Variants in CFAP100 observed in about 807,000 individuals in gnomAD.
CFAP100 encodes cilia- and flagella-associated protein 100.
Under a neutral mutation model 81.5 loss-of-function variants are expected in CFAP100, and 70 were observed. That is an observed-to-expected ratio of 0.86 (90% CI 0.71 to 1.05). The LOEUF is 1.05. Among genes scored for constraint, CFAP100 ranks in the 50% least tolerant of loss-of-function variants. The pLI, the probability that CFAP100 is intolerant of heterozygous loss-of-function variation, is 0.00. For missense variants in CFAP100, 811 were observed against 776.5 expected, an observed-to-expected ratio of 1.04 and a Z score of -0.53; for synonymous variants, 341 against 314.8, an observed-to-expected ratio of 1.08 and a Z score of -0.88.
intron 8 of CFAP100, among the ~76,000 whole-genome samples, 157 bp downstream of exon 8, chr3:126,419,313 G>A (rs2083292628): frequency 6.6e-6 from 1 of 152,182 alleles, no homozygotes; most frequent in African/African-American, 2.4e-5. Context: ...TAGACGAGGG[G>A]AGTGAGACCA....
At chr3:126,400,761 A>AC (rs2082965203) in intron 2 of CFAP100, among the ~76,000 whole-genome samples, 1 of 152,122 alleles carries the variant, frequency 6.6e-6, no homozygotes, top group Non-Finnish European at 1.5e-5. Context: ...CAAAAAAAAA[A>AC]GAAAAGAAAA....
At chr3:126,412,462 A>G (rs1322698388) in intron 3 of CFAP100, among the ~76,000 whole-genome samples, 5 of 152,232 alleles carry the variant, frequency 3.3e-5, no homozygotes, top group Non-Finnish European at 7.3e-5. Context: ...AATACCCTTT[A>G]TCAGATTGGG....
chr3:126,404,022 G>C (rs189204175), intron 2 of CFAP100, among the ~76,000 whole-genome samples: 48 of 152,328 alleles, frequency 3.2e-4, no homozygotes, highest in African/African-American at 1.1e-3. Flanking sequence ...CAATATAATA[G>C]ATGAAGGTTC....
rs568433618 is a variant in CFAP100, at chr3:126,411,401, C to T, written c.131-2684C>T. Among the ~76,000 whole-genome samples the T allele has an allele frequency of 3.2e-4, 24 of 74,326 alleles. No homozygotes were observed. The South Asian group carries it at 7.5e-3, about 23-fold the overall frequency. The allele number at this position is 74,326 out of a possible 152,430, so 48.8% of individuals were successfully genotyped here. The stretch of plus-strand genomic sequence containing the variant: ...TTTTTTTTTTTTGCTCGTGTCCTTT[C>T]CTGGTTTTGGTATCAGGGTGATACT... On this transcript the variant is annotated intron_variant, in intron 3 of 16. Transcript: ENST00000352312.
chr3:126,423,552 G>C lies in CFAP100; in HGVS notation c.1194G>C (p.Glu398Asp). 1 of 1,614,188 alleles carries C rather than the reference G, an allele frequency of 6.2e-7. No homozygotes were observed. Among genetic ancestry groups the C allele is most frequent in the Non-Finnish European group, 8.5e-7 (1 of 1,180,032 alleles). Residue 398 changes from glutamate (E) to aspartate (D), a missense_variant, in exon 13 of 17, where the codon GAG becomes GAC. Physicochemically the swap from Glu to Asp is conservative, Grantham distance 45. Coordinates refer to ENST00000352312, the MANE Select transcript of CFAP100 (RefSeq NM_182628.3). ...TCCTGGATGTCTTCCGAGAGCTGGA[G>C]GAGCAGAACCTGTCGCTGATCCAGA... is the stretch of plus-strand genomic sequence containing the variant. ...QQLLDVFREL[E>D]EQNLSLIQNS...
chr3:126,420,551 G>A, intron 11 of CFAP100: 1 of 376,344 alleles, frequency 2.7e-6, no homozygotes. Context: ...GCCCTGGGGG[G>A]ATAGGTACTG....
chr3:126,435,453 G>C (rs1465628970), intron 15 of CFAP100, 106 bp from the exon 16 acceptor site: 23 of 805,528 alleles, frequency 2.9e-5, no homozygotes, highest in East Asian at 5.4e-5. Flanking sequence ...AGAGGAGCTG[G>C]GAGTTTTCTT....
chr3:126,431,498 A>G (rs35593730), intron 13 of CFAP100, among the ~76,000 whole-genome samples: 34,707 of 151,698 alleles, frequency 0.23, 4,186 homozygotes, highest in East Asian at 0.36. Flanking sequence ...CTATTCTCTC[A>G]CTCTCTATGG....
chr3:126,396,313 G>T (rs55746055), intron 2 of CFAP100, among the ~76,000 whole-genome samples: 68,388 of 151,960 alleles, frequency 0.45, 16,961 homozygotes, highest in Non-Finnish European at 0.55. Flanking sequence ...CAAAAGGCTA[G>T]GTCCCTCCAA....
chr3:126,398,634 C>T (rs373451325), intron 2 of CFAP100, among the ~76,000 whole-genome samples: 26 of 152,300 alleles, frequency 1.7e-4, no homozygotes, highest in African/African-American at 5.8e-4. Flanking sequence ...ATGAGGGATG[C>T]GAAGGGCTGG....
chr3:126,433,043 G>A (rs368138000), intron 13 of CFAP100, 26 bp from the exon 14 acceptor site: 14 of 1,613,216 alleles, frequency 8.7e-6, no homozygotes, highest in Non-Finnish European at 1.2e-5. Flanking sequence ...AGTGACTGAT[G>A]CCCTGCCGGT....
chr3:126,421,594 C>T (rs1426988105), intron 11 of CFAP100, among the ~76,000 whole-genome samples: 3 of 152,226 alleles, frequency 2.0e-5, no homozygotes, highest in Non-Finnish European at 2.9e-5. Context: ...GCAACCCACT[C>T]TCCTCCACGG....
At chr3:126,423,959 T>C (rs1250293293) in intron 13 of CFAP100, among the ~76,000 whole-genome samples, 1 of 152,082 alleles carries the variant, frequency 6.6e-6, no homozygotes, top group Non-Finnish European at 1.5e-5. Flanking sequence ...GCCCTTGGAG[T>C]GGCTGGAGGT....
rs1933449238 is a variant in CFAP100, at chr3:126,436,415, C to T, written c.*11C>T. On this transcript the variant is annotated 3_prime_UTR_variant, in exon 17 of 17. Coordinates refer to ENST00000352312, the MANE Select transcript of CFAP100 (RefSeq NM_182628.3). Reference sequence around the variant, plus strand: ...TTTTTCTTTACTTAATCTTCGCAGACCATAGCTGTTCTGGCTGAAGGCTTA... The same window carrying T: ...TTTTTCTTTACTTAATCTTCGCAGATCATAGCTGTTCTGGCTGAAGGCTTA... The T allele has an allele frequency of 1.9e-6, 3 of 1,597,442 alleles. No homozygotes were observed. Among genetic ancestry groups the T allele is most frequent in the Admixed American group, 3.4e-5 (2 of 59,674 alleles).
chr3:126,418,591 C>G lies in CFAP100; in HGVS notation c.487-20C>G, dbSNP rs1441579028. 1 of 1,612,068 alleles carries G rather than the reference C, an allele frequency of 6.2e-7. No individual in the cohort carries two copies. Among genetic ancestry groups the G allele is most frequent in the Non-Finnish European group, 8.5e-7 (1 of 1,178,990 alleles). On this transcript the variant is annotated intron_variant, in intron 6 of 16. Transcript: ENST00000352312. ...GCTGGCCCGGGCCAGGCACCATGACCCCACTCTGCTGGCCCCCAGTATGCC... is the reference window on the plus strand; with the variant it reads ...GCTGGCCCGGGCCAGGCACCATGACGCCACTCTGCTGGCCCCCAGTATGCC...
At chr3:126,433,492 G>A (rs1197676213) in intron 14 of CFAP100, 4 of 368,602 alleles carry the variant, frequency 1.1e-5, no homozygotes, top group Non-Finnish European at 2.0e-5. Flanking sequence ...TGAAGGGGGG[G>A]AAGAGGCGTG....
At chr3:126,398,214 C>T (rs975991822) in intron 2 of CFAP100, among the ~76,000 whole-genome samples, 8 of 152,172 alleles carry the variant, frequency 5.3e-5, no homozygotes, top group South Asian at 4.1e-4. Context: ...CAGGAATGCC[C>T]GGAGCTCTGG....
chr3:126,424,081 G>C (rs1338840104), intron 13 of CFAP100, among the ~76,000 whole-genome samples: 1 of 152,242 alleles, frequency 6.6e-6, no homozygotes, highest in African/African-American at 2.4e-5. Flanking sequence ...TTCATATTTC[G>C]TAGACCACTG....
chr3:126,434,501 TGA>T (rs1491488853), intron 15 of CFAP100, 120 bp downstream of exon 15: 10 of 985,172 alleles, frequency 1.0e-5, no homozygotes, highest in South Asian at 3.4e-5. Context: ...CTCTGTGCTA[TGA>T]GAGACAAAAG....
Sources: allele counts gnomAD v4.1 joint callset (sites outside exome capture counted in the v4.1 genomes callset), GRCh38; gene constraint gnomAD v4.1.1; transcripts MANE v1.5; gene names NCBI Gene and HGNC (gene_info 2026-07-23, HGNC 2026-07-21).